Variants in PTPRH observed in about 807,000 individuals in gnomAD.
The protein encoded by PTPRH is receptor-type tyrosine-protein phosphatase H.
Under a neutral mutation model 130.2 loss-of-function variants are expected in PTPRH, and 113 were observed. The ratio of observed to expected loss-of-function variants is 0.87; its 90% CI spans 0.75 to 1.01. The LOEUF is 1.01. Among genes scored for constraint, PTPRH ranks in the 50% least tolerant of loss-of-function variants. The pLI is 0.00. For synonymous variants in PTPRH, 556 were observed against 577.9 expected (o/e 0.96, Z 0.54); for missense variants, 1,430 against 1,425.0 (o/e 1.00, Z -0.06).
chr19:55,187,836 T>C (rs2086406509), intron 13 of PTPRH, among the ~76,000 whole-genome samples: 1 of 151,456 alleles, frequency 6.6e-6, no homozygotes, highest in South Asian at 2.1e-4. Context: ...AAAGCAGGTG[T>C]CAGGGGAGAA....
intron 4 of PTPRH, 54 bp from the exon 5 acceptor site, chr19:55,204,102 G>A: frequency 1.3e-6 from 2 of 1,504,894 alleles, no homozygotes; most frequent in Admixed American, 2.1e-5. Context: ...AACATAACGG[G>A]GGCAGCCAGT....
chr19:55,198,271 T>C (rs1184608162), intron 8 of PTPRH, among the ~76,000 whole-genome samples: 1 of 152,062 alleles, frequency 6.6e-6, no homozygotes. Flanking sequence ...TTCTCATGAG[T>C]GGGACCCACC....
Position 55,181,899 on chromosome 19 carries a change from T to C in PTPRH, c.3203A>G (p.Gln1068Arg). The change falls in exon 20 of 20, where the codon CAG (glutamine) becomes CGG (arginine). Residue 1068 changes from glutamine (Q) to arginine (R), a missense_variant. By Grantham distance (43) the Gln-to-Arg change is conservative. Transcript: ENST00000376350. ...GATGCACTGATGCAGGAATACGTAC[T>C]GAGCCTGGGAAGCAGGCACGGGAGT... Reference protein sequence around the residue: ...SRPLMVQTEAQYVFLHQCILR... With the variant: ...SRPLMVQTEARYVFLHQCILR... 2 of 1,614,222 alleles carry C rather than the reference T, an allele frequency of 1.2e-6. No homozygotes were observed. The highest frequency in any genetic ancestry group is 1.7e-6 in the Non-Finnish European group (2 of 1,180,020).
chr19:55,201,215 T>A (rs2086853522), intron 6 of PTPRH, among the ~76,000 whole-genome samples: 1 of 151,536 alleles, frequency 6.6e-6, no homozygotes, highest in Admixed American at 6.6e-5. Flanking sequence ...ACCTCATCTC[T>A]AAAAAAAATA....
chr19:55,189,808 A>AC (rs11312786), intron 12 of PTPRH: 25 of 443,202 alleles, frequency 5.6e-5, no homozygotes, highest in Non-Finnish European at 1.0e-4. Flanking sequence ...TGGTAAGACC[A>AC]CCCCCCCGAC....
Position 55,204,056 on chromosome 19 carries a change from A to G in PTPRH, c.620-8T>C. On this transcript the variant is annotated splice_polypyrimidine_tract_variant and splice_region_variant and intron_variant, in intron 4 of 19. Coordinates refer to ENST00000376350, the MANE Select transcript of PTPRH (RefSeq NM_002842.5). ...TCCTCACTGGGTTGTGAGCTGAGAA[A>G]TTAGGAAGAAAGATCTAATATGAGC... The G allele has an allele frequency of 6.2e-7, 1 of 1,606,832 alleles. No homozygotes were observed. Among genetic ancestry groups the G allele is most frequent in the Non-Finnish European group, 8.5e-7 (1 of 1,175,688 alleles).
At chr19:55,186,710 G>A (rs543736826) in intron 14 of PTPRH, among the ~76,000 whole-genome samples, 170 bp from the exon 15 acceptor site, 43 of 99,914 alleles carry the variant, frequency 4.3e-4, no homozygotes, top group African/African-American at 1.9e-3. Context: ...TGAGAGGGGC[G>A]GAGGGACCTC....
rs748110335 is a variant in PTPRH, at chr19:55,202,202, C to G, written c.1007G>C (p.Gly336Ala). 18 of 1,614,210 alleles carry G rather than the reference C, an allele frequency of 1.1e-5. No individual in the cohort carries two copies. The highest frequency in any genetic ancestry group is 1.4e-5 in the Non-Finnish European group (17 of 1,180,042). ...QNSTYGVEYT[G>A]DGGRAGTRST... The stretch of plus-strand genomic sequence containing the variant: ...TCGAGTCCCTGCTCTGCCACCATCT[C>G]CAGTGTACTCAACCCCGTAGGTGGA... Residue 336 changes from glycine to alanine, a missense_variant, in exon 6 of 20, where the codon GGA (glycine) becomes GCA (alanine). Transcript: ENST00000376350.
At chr19:55,190,852 A>T (rs1045918303) in intron 12 of PTPRH, among the ~76,000 whole-genome samples, 2 of 150,324 alleles carry the variant, frequency 1.3e-5, no homozygotes, top group Admixed American at 6.7e-5. Context: ...TATTACTATT[A>T]TTTTTTTGAG....
chr19:55,199,981 G>A (rs1017140974), intron 7 of PTPRH, among the ~76,000 whole-genome samples: 1 of 150,988 alleles, frequency 6.6e-6, no homozygotes, highest in Admixed American at 6.6e-5. Context: ...GAAGGGGAAG[G>A]GAAGGAGAAA....
intron 5 of PTPRH, 118 bp downstream of exon 5, chr19:55,203,664 G>A (rs2086944789): frequency 1.6e-6 from 2 of 1,218,158 alleles, no homozygotes; most frequent in Non-Finnish European, 1.1e-6. Context: ...ATTCTCACCT[G>A]TGGCTTCCAC....
intron 9 of PTPRH, 113 bp downstream of exon 9, chr19:55,197,004 C>T (rs1441247442): frequency 7.3e-7 from 1 of 1,369,258 alleles, no homozygotes; most frequent in Non-Finnish European, 1.0e-6. Flanking sequence ...CACTGCAGCT[C>T]ATGAAGTCAT....
intron 10 of PTPRH, 84 bp downstream of exon 10, chr19:55,196,438 T>G: frequency 7.1e-7 from 1 of 1,409,088 alleles, no homozygotes; most frequent in Non-Finnish European, 9.6e-7. Context: ...AACAAAAGAG[T>G]CCCACTGATT....
chr19:55,182,527 AAAC>A (rs879426826), intron 18 of PTPRH, among the ~76,000 whole-genome samples: 13 of 152,078 alleles, frequency 8.5e-5, no homozygotes, highest in East Asian at 3.9e-4. Flanking sequence ...CCCATCTCAA[AAAC>A]AACAACAACA....
rs2087076940 is a variant in PTPRH at position 55,206,820 on chromosome 19, G to A, written c.221C>T (p.Thr74Ile). 6.2e-7 allele frequency: 1 copy of A among 1,614,186 alleles called. No homozygotes were observed. ...WVQCTGDGGT[T>I]ETRNTTATNV... ...GGTGGCTGTTGTGTTTCGAGTCTCT[G>A]TTGTGCCGCCGTCTCCAGTACACTG... Residue 74 changes from threonine to isoleucine, a missense_variant, in exon 3 of 20, where the codon ACA (threonine) becomes ATA (isoleucine). Transcript: ENST00000376350.
At position 55,182,144 on chromosome 19, in the gene PTPRH, C is replaced by T. The variant is rs766566365; in HGVS notation, c.3070G>A (p.Val1024Met). 36 of 1,613,640 alleles carry T rather than the reference C, an allele frequency of 2.2e-5. No individual in the cohort carries two copies. Among genetic ancestry groups the T allele is most frequent in the South Asian group, 9.9e-5 (9 of 91,086 alleles). ...GCAATGAGGGTTCCTGTGCGACCCA[C>T]GCCAGCACTAGGCAGAACAAGGGAA... is the stretch of plus-strand genomic sequence containing the variant. ...GPPIVHCSAGVGRTGTLIALD... is the reference protein window; with the variant it reads ...GPPIVHCSAGMGRTGTLIALD... The change falls in exon 19 of 20, where the codon GTG (valine) becomes ATG (methionine). Residue 1024 changes from valine to methionine, a missense_variant. Transcript: ENST00000376350.
intron 17 of PTPRH, 73 bp downstream of exon 17, chr19:55,185,789 G>A: frequency 2.5e-6 from 4 of 1,608,186 alleles, no homozygotes; most frequent in Non-Finnish European, 3.4e-6. Flanking sequence ...GTTGGAGTTG[G>A]TGGAGGGTCC....
intron 12 of PTPRH, 68 bp from the exon 13 acceptor site, chr19:55,188,236 G>A: frequency 7.8e-7 from 1 of 1,279,430 alleles, no homozygotes; most frequent in South Asian, 1.2e-5. Flanking sequence ...TTGAGGGCTG[G>A]GCATGGTGGC....
intron 10 of PTPRH, among the ~76,000 whole-genome samples, chr19:55,195,031 A>C (rs924207442): frequency 1.9e-4 from 29 of 152,220 alleles, no homozygotes; most frequent in Admixed American, 1.8e-3. Context: ...CTACTAAAAA[A>C]ATTTAAAAAT....
Sources: gnomAD v4.1 joint callset for allele counts (sites outside exome capture counted in the v4.1 genomes callset) on GRCh38, gnomAD v4.1.1 for gene constraint, MANE v1.5 for transcripts, NCBI Gene and HGNC (gene_info 2026-07-23, HGNC 2026-07-21) for gene names.